SPG11: variants seen among roughly 807,000 people sequenced by gnomAD.
SPG11 encodes the protein SPG11 vesicle trafficking associated, spatacsin.
SPG11 carries 222 observed loss-of-function variants against 274.0 expected under a neutral mutation model. The observed-to-expected ratio is 0.81, with a 90% CI of 0.73 to 0.91. The LOEUF (loss-of-function observed/expected upper bound fraction) is 0.91, where lower values mean the gene tolerates loss of function less well. Among genes scored for constraint, SPG11 ranks in the 40% least tolerant of loss-of-function variants. The probability of loss-of-function intolerance (pLI) is 0.00; values close to 1 mark genes in which losing one functional copy is unlikely to be tolerated. For missense variants in SPG11, 3,114 were observed against 2,872.7 expected, an observed-to-expected ratio of 1.08 and a Z score of -1.92; for synonymous variants, 1,144 against 1,039.7, an observed-to-expected ratio of 1.10 and a Z score of -1.93.
intron 14 of SPG11, chr15:44,620,883 G>A (rs1242796400): frequency 6.3e-6 from 1 of 159,472 alleles, no homozygotes; most frequent in African/African-American, 2.4e-5. Context: ...ATTTTTAGTA[G>A]AGGCGGGGTT....
At chr15:44,653,253 G>C (rs902101627) in intron 4 of SPG11, among the ~76,000 whole-genome samples, 1 of 152,122 alleles carries the variant, frequency 6.6e-6, no homozygotes, top group Non-Finnish European at 1.5e-5. Flanking sequence ...AGAGTAGCTA[G>C]GGGAAGAAGG....
intron 35 of SPG11, among the ~76,000 whole-genome samples, chr15:44,568,690 C>A (rs1419483621): frequency 6.6e-6 from 1 of 152,040 alleles, no homozygotes; most frequent in Admixed American, 6.6e-5. Context: ...CCCAACCTGG[C>A]TCTTAGCAGC....
chr15:44,595,551 C>A, intron 25 of SPG11, 92 bp from the exon 26 acceptor site: 1 of 1,355,074 alleles, frequency 7.4e-7, no homozygotes, highest in South Asian at 1.2e-5. Context: ...TAGAATAAGT[C>A]ACCCAACTTA....
intron 25 of SPG11, among the ~76,000 whole-genome samples, chr15:44,595,822 C>T (rs941697443): frequency 2.0e-5 from 3 of 152,208 alleles, no homozygotes; most frequent in Non-Finnish European, 2.9e-5. Flanking sequence ...GTCAGTCCAC[C>T]AAAGCGTCTT....
chr15:44,593,516 A>T (rs998650319), intron 26 of SPG11, among the ~76,000 whole-genome samples: 1 of 152,152 alleles, frequency 6.6e-6, no homozygotes, highest in Non-Finnish European at 1.5e-5. Context: ...ACACACCTGG[A>T]TAATCTGCTC....
At chr15:44,604,725 G>A (rs978008966) in intron 20 of SPG11, among the ~76,000 whole-genome samples, 22 of 151,774 alleles carry the variant, frequency 1.4e-4, no homozygotes, top group Non-Finnish European at 2.2e-4. Context: ...TCAGGAGATC[G>A]AGACCATCCT....
intron 27 of SPG11, among the ~76,000 whole-genome samples, chr15:44,589,785 G>A (rs557854231): frequency 6.6e-6 from 1 of 152,292 alleles, no homozygotes; most frequent in South Asian, 2.1e-4. Context: ...TTAACCAGAT[G>A]TTTCACTTAG....
chr15:44,567,917 A>C (rs1567127513), intron 35 of SPG11, among the ~76,000 whole-genome samples: 1 of 152,240 alleles, frequency 6.6e-6, no homozygotes, highest in Admixed American at 6.5e-5. Context: ...TGTAACAGGG[A>C]TATTTAATAG....
At position 44,585,736 on chromosome 15, in the gene SPG11, C is replaced by T; in HGVS notation, c.5021G>A (p.Arg1674Lys). 6.2e-7 allele frequency: 1 copy of T among 1,612,868 alleles called. No individual in the cohort carries two copies. The change falls in exon 29 of 40, where the codon AGA becomes AAA. Residue 1674 changes from arginine to lysine, a missense_variant. By Grantham distance (26) the Arg-to-Lys change is conservative. Transcript: ENST00000261866. ...YSIENLQHEC[R>K]SILERLQTDG... ...TGTCTGCAGTCTTTCCAAAATAGAT[C>T]TACATTCATGCTGAAGATTCTCAAT...
chr15:44,639,020 CTAT>C (rs1341025176), intron 7 of SPG11, among the ~76,000 whole-genome samples: 5 of 151,370 alleles, frequency 3.3e-5, no homozygotes, highest in Admixed American at 2.6e-4. Context: ...ATAATAGTAA[CTAT>C]TATTATTTGT....
chr15:44,567,568 G>A lies in SPG11; in HGVS notation c.6610C>T (p.Leu2204=), dbSNP rs2082336423. ...GGACGGCAGCGTTTGATGTAGTCCA[G>A]CAGGGCTGTTTTCAGGGTACCACTC... ...DPSGTLKTAL[L]DYIKRCRPGD... is the part of the protein sequence containing the mutation. Residue 2204 remains leucine (L), a synonymous_variant, in exon 36 of 40, where the codon CTG becomes TTG. Transcript: ENST00000261866. 1 of 1,613,922 alleles carries A rather than the reference G, an allele frequency of 6.2e-7. No individual in the cohort carries two copies. Among genetic ancestry groups the A allele is most frequent in the Admixed American group, 1.7e-5 (1 of 59,984 alleles).
chr15:44,639,087 A>G (rs1033622280), intron 7 of SPG11, among the ~76,000 whole-genome samples: 1 of 152,182 alleles, frequency 6.6e-6, no homozygotes, highest in Non-Finnish European at 1.5e-5. Context: ...TACAAAAATA[A>G]AAATGTAATA....
chr15:44,577,204 T>C (rs1048482360), intron 30 of SPG11, among the ~76,000 whole-genome samples: 10 of 152,118 alleles, frequency 6.6e-5, no homozygotes, highest in African/African-American at 2.4e-4. Context: ...TTTAAAATAT[T>C]ATTAAAAAGT....
chr15:44,640,186 G>C (rs555492190), intron 7 of SPG11, among the ~76,000 whole-genome samples: 1 of 152,262 alleles, frequency 6.6e-6, no homozygotes, highest in Admixed American at 6.5e-5. Context: ...CTCCAGCCTG[G>C]GTGACAGCGT....
chr15:44,622,882 C>T (rs2083793267), intron 11 of SPG11, 83 bp from the exon 12 acceptor site: 3 of 948,224 alleles, frequency 3.2e-6, no homozygotes, highest in Non-Finnish European at 5.2e-6. Flanking sequence ...GATACAGAAA[C>T]ACCCTATTAT....
intron 4 of SPG11, among the ~76,000 whole-genome samples, chr15:44,655,524 G>A (rs542703293): frequency 1.3e-5 from 2 of 152,274 alleles, no homozygotes; most frequent in South Asian, 2.1e-4. Flanking sequence ...AGATTATGTA[G>A]AGTATCAATA....
At chr15:44,649,387 A>G (rs1180280540) in intron 6 of SPG11, among the ~76,000 whole-genome samples, 1 of 152,124 alleles carries the variant, frequency 6.6e-6, no homozygotes, top group Non-Finnish European at 1.5e-5. Flanking sequence ...CTGTTTTGCT[A>G]ATTTAAAAAA....
At chr15:44,609,255 T>C (rs922876829) in intron 18 of SPG11, among the ~76,000 whole-genome samples, 8 of 151,782 alleles carry the variant, frequency 5.3e-5, no homozygotes, top group African/African-American at 1.9e-4. Context: ...CCTCAGCCTC[T>C]GGAGTAGCTG....
At position 44,622,251 on chromosome 15, in the gene SPG11, G is replaced by A; in HGVS notation, c.2413C>T (p.Gln805Ter). Residue 805 changes from glutamine (Q) to a stop codon, truncating the protein, a stop_gained, in exon 13 of 40, where the codon CAA becomes TAA. Coordinates refer to ENST00000261866, the MANE Select transcript of SPG11 (RefSeq NM_025137.4). LOFTEE classifies it high-confidence loss of function. Reference protein sequence around the residue: ...QVEKLYLGHFQENMQIQSFPR... With the variant: ...QVEKLYLGHF ...AATGACTGGATTTGCATATTTTCTT[G>A]GAAATGTCCCAAATAAAGCTTCTCA... 6.2e-7 allele frequency: 1 copy of A among 1,612,162 alleles called. No individual in the cohort carries two copies. Among genetic ancestry groups the A allele is most frequent in the Non-Finnish European group, 8.5e-7 (1 of 1,178,558 alleles).
Sources: gnomAD v4.1 joint callset for allele counts (sites outside exome capture counted in the v4.1 genomes callset) on GRCh38, gnomAD v4.1.1 for gene constraint, MANE v1.5 for transcripts, NCBI Gene and HGNC (gene_info 2026-07-23, HGNC 2026-07-21) for gene names.